Variants in PRKCA observed in about 807,000 individuals in gnomAD.
PRKCA encodes protein kinase C alpha type.
A neutral mutation model predicts 87.0 loss-of-function variants in PRKCA; 27 were observed. The observed-to-expected ratio is 0.31, with a 90% CI of 0.23 to 0.43. The LOEUF (loss-of-function observed/expected upper bound fraction) is 0.43. Among genes scored for constraint, PRKCA ranks in the 20% least tolerant of loss-of-function variants. The pLI is 1.00. For synonymous variants in PRKCA, 329 were observed against 311.1 expected (o/e 1.06, Z -0.61); for missense variants, 518 against 852.3 (o/e 0.61, Z 4.88).
intron 5 of PRKCA, among the ~76,000 whole-genome samples, chr17:66,658,816 C>T (rs1347920506): frequency 6.6e-6 from 1 of 152,176 alleles, no homozygotes; most frequent in African/African-American, 2.4e-5. Context: ...CTGACTCTTT[C>T]ATGGTGTAGC....
chr17:66,781,866 G>T (rs867007199), intron 14 of PRKCA, among the ~76,000 whole-genome samples: 7,119 of 132,640 alleles, frequency 0.054, 233 homozygotes, highest in East Asian at 0.13. Context: ...GAGAGAGAGA[G>T]AGATATATAT....
chr17:66,302,947 C>T lies in PRKCA; in HGVS notation c.96C>T (p.His32=), dbSNP rs749195097. Residue 32 remains histidine, a synonymous_variant, in exon 1 of 17, where the codon CAC becomes CAT. Coordinates refer to ENST00000413366, the MANE Select transcript of PRKCA (RefSeq NM_002737.3). ...GGGCGCTGAGGCAGAAGAACGTGCACGAGGTGAAGGACCACAAATTCATCG... is the reference window on the plus strand; with the variant it reads ...GGGCGCTGAGGCAGAAGAACGTGCATGAGGTGAAGGACCACAAATTCATCG... ...RKGALRQKNV[H]EVKDHKFIAR... is the part of the protein sequence containing the mutation. 3 of 1,612,716 alleles carry T rather than the reference C, an allele frequency of 1.9e-6. No homozygotes were observed. The highest frequency in any genetic ancestry group is 2.2e-5 in the East Asian group (1 of 44,766).
intron 2 of PRKCA, among the ~76,000 whole-genome samples, chr17:66,405,808 AT>A (rs897538244): frequency 6.7e-5 from 10 of 150,014 alleles, no homozygotes; most frequent in South Asian, 2.1e-4. Flanking sequence ...TTCATTGGCA[AT>A]TTTTTTTTTA....
intron 8 of PRKCA, among the ~76,000 whole-genome samples, chr17:66,709,365 G>T (rs1408294673): frequency 1.6e-5 from 2 of 123,874 alleles, no homozygotes; most frequent in Non-Finnish European, 3.1e-5. Flanking sequence ...AGGCTGGAAT[G>T]CAGTAACACA....
chr17:66,526,512 G>A (rs1352357053), intron 3 of PRKCA, among the ~76,000 whole-genome samples: 2 of 152,110 alleles, frequency 1.3e-5, no homozygotes, highest in Non-Finnish European at 2.9e-5. Context: ...TTCTGACCTG[G>A]GGCAGCTAGC....
At chr17:66,698,037 G>A (rs1972967777) in intron 8 of PRKCA, among the ~76,000 whole-genome samples, 1 of 152,210 alleles carries the variant, frequency 6.6e-6, no homozygotes, top group African/African-American at 2.4e-5. Flanking sequence ...TAGAGCAGGT[G>A]CATCCATAGA....
At chr17:66,664,848 C>T (rs948268779) in intron 5 of PRKCA, among the ~76,000 whole-genome samples, 4 of 151,854 alleles carry the variant, frequency 2.6e-5, no homozygotes, top group Admixed American at 6.6e-5. Context: ...ACCACATTAC[C>T]AGGCTGGTCT....
In PRKCA at chr17:66,399,513, A is replaced by G. The variant is rs570598826; in HGVS notation, c.205+93386A>G. Among the ~76,000 whole-genome samples, 21 of 152,336 alleles carry G rather than the reference A, an allele frequency of 1.4e-4. 1 individual carries two copies. Among genetic ancestry groups the G allele is most frequent in the African/African-American group, 5.1e-4 (21 of 41,578 alleles). On this transcript the variant is annotated intron_variant, in intron 2 of 16. Coordinates refer to ENST00000413366, the MANE Select transcript of PRKCA (RefSeq NM_002737.3). ...CAATCTTAACCACTTGCAAGCCTAC[A>G]GTTTGGTAGTGTTAAGTAGATTCAC... is the stretch of plus-strand genomic sequence containing the variant.
chr17:66,337,113 T>TA (rs1906747178), intron 2 of PRKCA, among the ~76,000 whole-genome samples: 1 of 152,016 alleles, frequency 6.6e-6, no homozygotes, highest in Admixed American at 6.6e-5. Context: ...TTTATTGATG[T>TA]AGGAATCTGT....
At chr17:66,728,674 T>C (rs1420203010) in intron 8 of PRKCA, among the ~76,000 whole-genome samples, 3 of 152,250 alleles carry the variant, frequency 2.0e-5, no homozygotes. Context: ...CGTTAGGTTA[T>C]GTCTGCAGTT....
intron 8 of PRKCA, among the ~76,000 whole-genome samples, chr17:66,693,819 G>C (rs1454589410): frequency 6.6e-6 from 1 of 152,216 alleles, no homozygotes. Flanking sequence ...AAACAAATGA[G>C]TGTTGGTGTA....
intron 8 of PRKCA, among the ~76,000 whole-genome samples, chr17:66,731,086 C>T (rs1445394800): frequency 6.6e-6 from 1 of 152,054 alleles, no homozygotes; most frequent in Non-Finnish European, 1.5e-5. Flanking sequence ...CGTGGTGGCT[C>T]ATGCCTGTAA....
chr17:66,499,408 C>T (rs1426058373), intron 3 of PRKCA, among the ~76,000 whole-genome samples: 2 of 152,158 alleles, frequency 1.3e-5, no homozygotes, highest in African/African-American at 4.8e-5. Context: ...GTTATGAATT[C>T]TCTACGTTGC....
chr17:66,620,093 T>C (rs1215952326), intron 3 of PRKCA, among the ~76,000 whole-genome samples: 1 of 152,206 alleles, frequency 6.6e-6, no homozygotes, highest in Non-Finnish European at 1.5e-5. Flanking sequence ...GAATGGGTCA[T>C]GCAGCTTTCA....
At chr17:66,745,899 C>T (rs193049861) in intron 13 of PRKCA, among the ~76,000 whole-genome samples, 1 of 152,038 alleles carries the variant, frequency 6.6e-6, no homozygotes, top group Non-Finnish European at 1.5e-5. Flanking sequence ...CTAAACTGCT[C>T]GAAACTTGAG....
At chr17:66,616,806 A>G (rs1970528798) in intron 3 of PRKCA, among the ~76,000 whole-genome samples, 1 of 151,982 alleles carries the variant, frequency 6.6e-6, no homozygotes, top group South Asian at 2.1e-4. Flanking sequence ...AGTGGCTGGA[A>G]GGTTAGGTGG....
intron 3 of PRKCA, among the ~76,000 whole-genome samples, chr17:66,550,423 G>A (rs1488331553): frequency 6.6e-6 from 1 of 152,160 alleles, no homozygotes; most frequent in East Asian, 1.9e-4. Context: ...GGCCGAGGCA[G>A]GTAGATCACC....
At chr17:66,495,729 G>A (rs1412066433) in intron 2 of PRKCA, among the ~76,000 whole-genome samples, 1 of 150,666 alleles carries the variant, frequency 6.6e-6, no homozygotes, top group East Asian at 1.9e-4. Flanking sequence ...ATTTGTGTAT[G>A]TGTGTGTGTG....
intron 2 of PRKCA, among the ~76,000 whole-genome samples, chr17:66,348,813 G>A (rs990073924): frequency 2.0e-5 from 3 of 152,166 alleles, no homozygotes; most frequent in African/African-American, 7.2e-5. Context: ...TCTAACAAAT[G>A]AGTCATCCAC....
Sources: gnomAD v4.1 joint callset for allele counts (sites outside exome capture counted in the v4.1 genomes callset) on GRCh38, gnomAD v4.1.1 for gene constraint, MANE v1.5 for transcripts, NCBI Gene and HGNC (gene_info 2026-07-23, HGNC 2026-07-21) for gene names.